The following ADAMTS2 variants were observed in gnomAD, a reference collection of about 807,000 sequenced individuals.
The protein encoded by ADAMTS2 is A disintegrin and metalloproteinase with thrombospondin motifs 2.
A neutral mutation model predicts 123.0 loss-of-function variants in ADAMTS2; 50 were observed. The ratio of observed to expected loss-of-function variants is 0.41; its 90% CI spans 0.32 to 0.51. The LOEUF (loss-of-function observed/expected upper bound fraction) is 0.51, where lower values mean the gene tolerates loss of function less well. ADAMTS2 is among the 20% of genes least tolerant of loss of function. The pLI is 0.35. For synonymous variants in ADAMTS2, 678 were observed against 695.4 expected (o/e 0.98, Z 0.39); for missense variants, 1,494 against 1,705.2 (o/e 0.88, Z 2.18).
chr5:179,221,464 G>A lies in ADAMTS2; in HGVS notation c.689-13749C>T, dbSNP rs559155874. Among the ~76,000 whole-genome samples, 257 of 152,244 alleles carry A rather than the reference G, an allele frequency of 1.7e-3. 1 individual carries two copies. The highest frequency in any genetic ancestry group is 5.4e-3 in the African/African-American group (226 of 41,550). On this transcript the variant is annotated intron_variant, in intron 3 of 21. Transcript: ENST00000251582. ...GCACAAAGACCCCCCACTTTCAGTCGTGGCACCAAGCACAGTCCATGTCTG... is the reference window on the plus strand; with the variant it reads ...GCACAAAGACCCCCCACTTTCAGTCATGGCACCAAGCACAGTCCATGTCTG...
intron 5 of ADAMTS2, among the ~76,000 whole-genome samples, chr5:179,176,520 TGA>T (rs1334915247): frequency 6.6e-6 from 1 of 152,198 alleles, no homozygotes; most frequent in Non-Finnish European, 1.5e-5. Context: ...TCTACCCAGC[TGA>T]GAGTCTCTCC....
chr5:179,208,694 C>T (rs903471672), intron 3 of ADAMTS2, among the ~76,000 whole-genome samples: 1 of 152,186 alleles, frequency 6.6e-6, no homozygotes, highest in Non-Finnish European at 1.5e-5. Flanking sequence ...GGCTGACCTG[C>T]AGCATCGATG....
rs758261198 is a variant in ADAMTS2 at position 179,344,114 on chromosome 5, G to A, written c.187C>T (p.Arg63Cys). 6.2e-7 allele frequency: 1 copy of A among 1,608,046 alleles called. No individual in the cohort carries two copies. The highest frequency in any genetic ancestry group is 8.5e-7 in the Non-Finnish European group (1 of 1,177,494). ...ACCAAGCGGCCCTGGGCGTCAGTGC[G>A]CACGGGCACCGCCAGGATGCGCTCC... ...GAERILAVPV[R>C]TDAQGRLVSH... Residue 63 changes from arginine to cysteine, a missense_variant, in exon 2 of 22, where the codon CGC becomes TGC. This residue lies in a region of ADAMTS2 where 237 missense variants were observed against 233.7 expected (regional missense o/e 1.01). Transcript: ENST00000251582.
chr5:179,307,146 G>A lies in ADAMTS2; in HGVS notation c.535-34082C>T, dbSNP rs1365568152. The stretch of plus-strand genomic sequence containing the variant: ...TAAGCCCGGCCCAGACCCTCGCCCT[G>A]CTAGCATGAGACAGACACAGGGGGC... On this transcript the variant is annotated intron_variant, in intron 2 of 21. Transcript: ENST00000251582. This position sits in a 1 kb window ranked among gnomAD's most constrained non-coding sequence, Gnocchi z 5.6. Among the ~76,000 whole-genome samples the A allele has an allele frequency of 6.6e-6, 1 of 152,192 alleles. No homozygotes were observed. Among genetic ancestry groups the A allele is most frequent in the Non-Finnish European group, 1.5e-5 (1 of 68,022 alleles).
At chr5:179,200,696 C>T (rs1764543414) in intron 4 of ADAMTS2, among the ~76,000 whole-genome samples, 1 of 152,160 alleles carries the variant, frequency 6.6e-6, no homozygotes, top group African/African-American at 2.4e-5. Context: ...CTGGGGAGGG[C>T]AGGAGGCATC....
intron 3 of ADAMTS2, among the ~76,000 whole-genome samples, chr5:179,261,925 G>T (rs1296152411): frequency 2.0e-5 from 3 of 152,210 alleles, no homozygotes; most frequent in Non-Finnish European, 4.4e-5. Context: ...CCGCCCCACA[G>T]AGCACAGCCT....
intron 4 of ADAMTS2, among the ~76,000 whole-genome samples, chr5:179,205,483 G>A (rs1236978899): frequency 2.6e-5 from 4 of 152,234 alleles, no homozygotes; most frequent in Admixed American, 6.5e-5. Context: ...CAGAGGACGG[G>A]AGCAGCGTTC....
intron 3 of ADAMTS2, among the ~76,000 whole-genome samples, chr5:179,261,670 G>A (rs1766228107): frequency 6.6e-6 from 1 of 152,228 alleles, no homozygotes; most frequent in Non-Finnish European, 1.5e-5. Context: ...ACAGCTGGTA[G>A]CGCTGCCTGC....
intron 4 of ADAMTS2, among the ~76,000 whole-genome samples, chr5:179,204,745 C>T (rs764016705): frequency 2.6e-5 from 4 of 152,242 alleles, no homozygotes; most frequent in Non-Finnish European, 2.9e-5. Context: ...GCCCACGCTG[C>T]GCTCTTGCAG....
chr5:179,172,472 G>A (rs924680880), intron 5 of ADAMTS2, among the ~76,000 whole-genome samples: 1 of 152,256 alleles, frequency 6.6e-6, no homozygotes, highest in African/African-American at 2.4e-5. Flanking sequence ...CTGGCCAGGA[G>A]GGTGGTGCCT....
intron 21 of ADAMTS2, among the ~76,000 whole-genome samples, chr5:179,116,701 C>G (rs1762664794): frequency 6.6e-6 from 1 of 152,176 alleles, no homozygotes; most frequent in South Asian, 2.1e-4. Context: ...AAGTTCAAAA[C>G]AGGGAAATTT....
At chr5:179,235,124 C>T (rs1561613081) in intron 3 of ADAMTS2, among the ~76,000 whole-genome samples, 1 of 152,216 alleles carries the variant, frequency 6.6e-6, no homozygotes, top group Non-Finnish European at 1.5e-5. Context: ...GAGCAAGTTA[C>T]TCTCTCTCCT....
chr5:179,257,060 A>G (rs1012631109), intron 3 of ADAMTS2, among the ~76,000 whole-genome samples: 16 of 152,168 alleles, frequency 1.1e-4, no homozygotes, highest in Non-Finnish European at 1.8e-4. Context: ...GACACCAAGA[A>G]AGGGAGGCCC....
At chr5:179,343,629 G>T in intron 2 of ADAMTS2, 138 bp downstream of exon 2, 1 of 1,213,068 alleles carries the variant, frequency 8.2e-7, no homozygotes, top group Non-Finnish European at 1.2e-6. Context: ...GTTGGAGCAC[G>T]AGGCTCACTA....
intron 9 of ADAMTS2, among the ~76,000 whole-genome samples, chr5:179,152,640 G>A (rs1176258723): frequency 9.2e-5 from 14 of 152,066 alleles, no homozygotes; most frequent in Admixed American, 8.5e-4. Context: ...CTGCAGCCTC[G>A]GCCTCCCCTG....
At chr5:179,119,659 C>A (rs1022317022) in intron 21 of ADAMTS2, among the ~76,000 whole-genome samples, 2 of 152,188 alleles carry the variant, frequency 1.3e-5, no homozygotes, top group Non-Finnish European at 2.9e-5. Context: ...GCTGGCCCAG[C>A]CCCCCACCTG....
rs185547228 is a variant in ADAMTS2 at position 179,298,493 on chromosome 5, G to A, written c.535-25429C>T. ...CAGACACCAAACCCACTGGCGCCCC[G>A]ATCTCACATGTGAGACTCCAAAACT... On this transcript the variant is annotated intron_variant, in intron 2 of 21. Coordinates refer to ENST00000251582, the MANE Select transcript of ADAMTS2 (RefSeq NM_014244.5). 3.7e-3 allele frequency among the ~76,000 whole-genome samples: 565 copies of A among 152,256 alleles called. 3 individuals are homozygous for A. The highest frequency in any genetic ancestry group is 0.012 in the African/African-American group (492 of 41,550).
rs140887527 is a variant in ADAMTS2, at chr5:179,216,232, C to T, written c.689-8517G>A. On this transcript the variant is annotated intron_variant, in intron 3 of 21. Coordinates refer to ENST00000251582, the MANE Select transcript of ADAMTS2 (RefSeq NM_014244.5). ...TGGAGAGCGACTGAGCCATACTGAGCAGCGTGACCCACGGGGTGAACTGTC... is the reference window on the plus strand; with the variant it reads ...TGGAGAGCGACTGAGCCATACTGAGTAGCGTGACCCACGGGGTGAACTGTC... Among the ~76,000 whole-genome samples, 1,263 of 152,324 alleles carry T rather than the reference C, an allele frequency of 8.3e-3. 29 individuals are homozygous for T. The highest frequency in any genetic ancestry group is 0.029 in the African/African-American group (1,198 of 41,588).
intron 3 of ADAMTS2, among the ~76,000 whole-genome samples, chr5:179,266,298 G>A (rs1766370329): frequency 6.6e-6 from 1 of 152,212 alleles, no homozygotes; most frequent in East Asian, 1.9e-4. Flanking sequence ...TTGCAAATGT[G>A]TTTAAATCAG....
Sources: gnomAD v4.1 joint callset for allele counts (sites outside exome capture counted in the v4.1 genomes callset) on GRCh38, gnomAD v4.1.1 for gene constraint, gnomAD v4.1.1 regional missense constraint, Gnocchi (gnomAD v3.1) non-coding constraint, MANE v1.5 for transcripts, NCBI Gene and HGNC (gene_info 2026-07-23, HGNC 2026-07-21) for gene names.